Variants in SHISA9 observed in about 807,000 individuals in gnomAD.
SHISA9 encodes the protein shisa family member 9.
A neutral mutation model predicts 38.0 loss-of-function variants in SHISA9; 13 were observed. The ratio of observed to expected loss-of-function variants is 0.34; its 90% CI spans 0.22 to 0.54. The LOEUF is 0.54. Among genes scored for constraint, SHISA9 ranks in the 20% least tolerant of loss-of-function variants. The pLI, the probability that SHISA9 is intolerant of heterozygous loss-of-function variation, is 0.91. For missense variants in SHISA9, 538 were observed against 575.8 expected, an observed-to-expected ratio of 0.93 and a Z score of 0.67; for synonymous variants, 275 against 242.0, an observed-to-expected ratio of 1.14 and a Z score of -1.27.
At chr16:12,916,899 TG>T in intron 2 of SHISA9, 84 bp downstream of exon 2, 1 of 1,467,612 alleles carries the variant, frequency 6.8e-7, no homozygotes, top group Middle Eastern at 1.8e-4. Flanking sequence ...GGAGTGTGCT[TG>T]GGTTAGTTAA....
At chr16:13,374,614 T>C in the SHISA9 span, among the ~76,000 whole-genome samples, 1 of 152,208 alleles carries the variant, frequency 6.6e-6, no homozygotes, top group Non-Finnish European at 1.5e-5. Flanking sequence ...TGAATAGTGC[T>C]GCAATAAACA....
downstream of SHISA9, among the ~76,000 whole-genome samples, chr16:13,243,780 T>TG (rs1297194155): frequency 6.8e-6 from 1 of 146,684 alleles, no homozygotes; most frequent in East Asian, 2.0e-4. Context: ...TTTTTTTTTT[T>TG]TTTTTTTTTT....
At chr16:13,020,649 T>G (rs912081761) in intron 2 of SHISA9, among the ~76,000 whole-genome samples, 1 of 152,162 alleles carries the variant, frequency 6.6e-6, no homozygotes, top group African/African-American at 2.4e-5. Flanking sequence ...ACCCAATGTT[T>G]CCATCCATAA....
intron 2 of SHISA9, among the ~76,000 whole-genome samples, chr16:12,956,202 A>G (rs148346355): frequency 0.025 from 2,121 of 85,594 alleles, 13 homozygotes; most frequent in Non-Finnish European, 0.039. Context: ...ACCTGTCAGA[A>G]TGGCTATTAC....
chr16:13,204,846 C>A (rs1003913642), intron 3 of SHISA9: 2 of 152,190 alleles, frequency 1.3e-5, no homozygotes, highest in Non-Finnish European at 2.9e-5. Flanking sequence ...AGAATTGAAC[C>A]CTATTTTTAT....
intron 2 of SHISA9, among the ~76,000 whole-genome samples, chr16:13,000,506 T>C (rs1172494778): frequency 6.6e-6 from 1 of 152,200 alleles, no homozygotes; most frequent in African/African-American, 2.4e-5. Flanking sequence ...AGTTGGTCAC[T>C]GGCTCTGGGC....
At chr16:13,099,968 A>G (rs1254553533) in intron 2 of SHISA9, among the ~76,000 whole-genome samples, 2 of 152,206 alleles carry the variant, frequency 1.3e-5, no homozygotes, top group Non-Finnish European at 2.9e-5. Flanking sequence ...TTAGGCAGGC[A>G]TCAAGAATCC....
At chr16:13,527,425 T>C in the SHISA9 span, among the ~76,000 whole-genome samples, 12,509 of 152,192 alleles carry the variant, frequency 0.082, 574 homozygotes, top group Admixed American at 0.16. Flanking sequence ...AATTAACTTC[T>C]TCACTGAGAG....
At chr16:13,556,200 A>G in the SHISA9 span, among the ~76,000 whole-genome samples, 1 of 152,138 alleles carries the variant, frequency 6.6e-6, no homozygotes, top group Admixed American at 6.5e-5. Context: ...TTAAATATTA[A>G]GTCATTCTGC....
At chr16:13,414,650 C>CTTTT in the SHISA9 span, among the ~76,000 whole-genome samples, 56 of 143,244 alleles carry the variant, frequency 3.9e-4, 1 homozygote, top group East Asian at 3.9e-3. Flanking sequence ...TTCTTTCTTT[C>CTTTT]TTTTTTTTTT....
intron 2 of SHISA9, among the ~76,000 whole-genome samples, chr16:12,953,584 G>T (rs1319436337): frequency 2.6e-5 from 4 of 152,102 alleles, no homozygotes; most frequent in African/African-American, 9.7e-5. Flanking sequence ...CATCAAGTAG[G>T]CATAAATAAG....
At chr16:13,178,188 C>A (rs2050747750) in intron 2 of SHISA9, among the ~76,000 whole-genome samples, 2 of 152,162 alleles carry the variant, frequency 1.3e-5, no homozygotes, top group African/African-American at 4.8e-5. Flanking sequence ...TCAGAGCATT[C>A]TCCTCCATCC....
At chr16:12,983,238 C>G (rs541029130) in intron 2 of SHISA9, among the ~76,000 whole-genome samples, 1 of 152,240 alleles carries the variant, frequency 6.6e-6, no homozygotes, top group Admixed American at 6.5e-5. Flanking sequence ...CTTGTGGCAG[C>G]GGGGAGTGGC....
At chr16:13,266,295 A>G in the SHISA9 span, among the ~76,000 whole-genome samples, 1 of 152,148 alleles carries the variant, frequency 6.6e-6, no homozygotes, top group African/African-American at 2.4e-5. Context: ...TTATTTCTTT[A>G]TTACCCTTTC....
At chr16:13,050,076 G>T (rs1014004824) in intron 2 of SHISA9, among the ~76,000 whole-genome samples, 3 of 152,142 alleles carry the variant, frequency 2.0e-5, no homozygotes, top group Admixed American at 2.0e-4. Context: ...GAGGTACTAT[G>T]ATGATATAGA....
At chr16:13,221,972 G>T (rs996063718) in intron 4 of SHISA9, among the ~76,000 whole-genome samples, 1 of 152,150 alleles carries the variant, frequency 6.6e-6, no homozygotes, top group Non-Finnish European at 1.5e-5. Context: ...AAGGAAAGAG[G>T]TTCAATGGAC....
chr16:13,041,765 T>C (rs908419805), intron 2 of SHISA9, among the ~76,000 whole-genome samples: 1 of 152,166 alleles, frequency 6.6e-6, no homozygotes, highest in Non-Finnish European at 1.5e-5. Flanking sequence ...TGGGGAAGGC[T>C]GATAAAATAC....
At chr16:13,419,663 G>T in the SHISA9 span, among the ~76,000 whole-genome samples, 7 of 152,140 alleles carry the variant, frequency 4.6e-5, no homozygotes, top group South Asian at 1.0e-3. Context: ...GAAGACCAGG[G>T]TTGGCCAGAT....
intron 2 of SHISA9, among the ~76,000 whole-genome samples, chr16:13,015,473 C>G (rs2072730088): frequency 1.3e-5 from 2 of 152,234 alleles, no homozygotes; most frequent in South Asian, 2.1e-4. Flanking sequence ...TGTTTGGACT[C>G]CAGTCGGCAT....
Sources: gnomAD v4.1 joint callset for allele counts (sites outside exome capture counted in the v4.1 genomes callset) on GRCh38, gnomAD v4.1.1 for gene constraint, MANE v1.5 for transcripts, NCBI Gene and HGNC (gene_info 2026-07-23, HGNC 2026-07-21) for gene names.